MYO18B: variants seen among roughly 807,000 people sequenced by gnomAD.
MYO18B encodes the protein myosin XVIIIB, also known as unconventional myosin-XVIIIb.
Under a neutral mutation model 273.0 loss-of-function variants are expected in MYO18B, and 204 were observed. The observed-to-expected ratio is 0.75, with a 90% CI of 0.67 to 0.84. The LOEUF (loss-of-function observed/expected upper bound fraction) is 0.84, where lower values mean the gene tolerates loss of function less well. Ranked by LOEUF, MYO18B falls within the 40% of genes least tolerant of loss-of-function variation. The probability of loss-of-function intolerance (pLI) is 0.00; values close to 1 mark genes in which losing one functional copy is unlikely to be tolerated. For missense variants in MYO18B, 3,212 were observed against 3,287.6 expected (o/e 0.98, Z 0.56); for synonymous variants, 1,330 against 1,305.7 (o/e 1.02, Z -0.40).
At position 25,914,932 on chromosome 22, in the gene MYO18B, C is replaced by T. The variant is rs189823510; in HGVS notation, c.5364+3882C>T. Among the ~76,000 whole-genome samples, 25 of 151,336 alleles carry T rather than the reference C, an allele frequency of 1.7e-4. No homozygotes were observed. In the East Asian group the frequency reaches 4.7e-3, roughly 28 times the overall value. On this transcript the variant is annotated intron_variant, in intron 33 of 43. Transcript: ENST00000335473. ...CAGGATGGTCTCTGTCTCCTGACCTCGTGATCCACCCACCTCGGCCTCCCA... is the reference window on the plus strand; with the variant it reads ...CAGGATGGTCTCTGTCTCCTGACCTTGTGATCCACCCACCTCGGCCTCCCA...
intron 39 of MYO18B, among the ~76,000 whole-genome samples, chr22:25,977,687 A>C (rs1307925579): frequency 2.0e-5 from 3 of 151,590 alleles, no homozygotes; most frequent in Non-Finnish European, 4.4e-5. Context: ...AACAGAGGAG[A>C]CCCCCCAGGT....
At chr22:26,048,300 T>C in the MYO18B span, among the ~76,000 whole-genome samples, 1 of 152,236 alleles carries the variant, frequency 6.6e-6, no homozygotes, top group Admixed American at 6.5e-5. Context: ...TTGGCAGATA[T>C]ACTGAAGAGT....
chr22:25,763,062 C>T lies in MYO18B; in HGVS notation c.40-169C>T, dbSNP rs1234505110. ...ATTTTCATGCGCTGTCTCAGGGACC[C>T]CCCTGAGTCGTGCTGGGCCTCACCT... On this transcript the variant is annotated intron_variant, in intron 2 of 43. Transcript: ENST00000335473. The T allele has an allele frequency of 3.8e-6, 3 of 797,714 alleles. No individual in the cohort carries two copies. In the Admixed American group the frequency reaches 5.1e-5, roughly 14 times the overall value. 49.4% of individuals were successfully genotyped at this position (797,714 alleles called of 1,614,324 possible).
rs1361474245 is a variant in MYO18B at position 26,027,316 on chromosome 22, A to G, written c.7342A>G (p.Ile2448Val). The G allele has an allele frequency of 1.2e-6, 2 of 1,613,998 alleles. No homozygotes were observed. The highest frequency in any genetic ancestry group is 1.7e-6 in the Non-Finnish European group (2 of 1,179,874). ...GGACTTCGATGACTTCCTCCCAGCT[A>G]TCCGGAAGCCCCAGACACCTACCTC... Reference protein sequence around the residue: ...KVDFDDFLPAIRKPQTPTSLA... With the variant: ...KVDFDDFLPAVRKPQTPTSLA... The change falls in exon 43 of 44, where the codon ATC becomes GTC. Residue 2448 changes from isoleucine to valine, a missense_variant. By Grantham distance (29) the Ile-to-Val change is conservative. Coordinates refer to ENST00000335473, the MANE Select transcript of MYO18B (RefSeq NM_032608.7). The surrounding 1 kb of genome is among the most constrained non-coding windows in gnomAD (Gnocchi z 4.1).
At chr22:25,837,658 C>G (rs1046999392) in intron 17 of MYO18B, among the ~76,000 whole-genome samples, 1 of 152,216 alleles carries the variant, frequency 6.6e-6, no homozygotes, top group African/African-American at 2.4e-5. Context: ...TGGTAGATTC[C>G]TGTGCCCATA....
At chr22:26,041,855 C>G in the MYO18B span, among the ~76,000 whole-genome samples, 1 of 152,156 alleles carries the variant, frequency 6.6e-6, no homozygotes, top group Non-Finnish European at 1.5e-5. Flanking sequence ...TGTGTCACAA[C>G]CTGGCAGATG....
At chr22:26,017,111 C>CCTT (rs1569298242) in intron 42 of MYO18B, among the ~76,000 whole-genome samples, 3 of 137,500 alleles carry the variant, frequency 2.2e-5, no homozygotes, top group African/African-American at 5.6e-5. Flanking sequence ...CTCACTCACT[C>CCTT]CCTTCCTTCC....
At chr22:25,967,935 T>C (rs1409817542) in intron 39 of MYO18B, among the ~76,000 whole-genome samples, 2 of 152,186 alleles carry the variant, frequency 1.3e-5, no homozygotes, top group African/African-American at 4.8e-5. Flanking sequence ...ATTTACACTA[T>C]GGAAACTGGC....
chr22:25,785,394 C>A (rs922094820), intron 10 of MYO18B, 34 bp from the exon 11 acceptor site: 3 of 1,582,556 alleles, frequency 1.9e-6, no homozygotes, highest in Non-Finnish European at 2.6e-6. Flanking sequence ...GTGTGGACAG[C>A]CCCCCTGACT....
At chr22:25,855,784 G>A (rs2090553817) in intron 21 of MYO18B, among the ~76,000 whole-genome samples, 1 of 151,786 alleles carries the variant, frequency 6.6e-6, no homozygotes, top group Non-Finnish European at 1.5e-5. Flanking sequence ...GGGGTTGCTG[G>A]GTTGAATGTA....
At chr22:25,884,593 C>T (rs2091442171) in intron 25 of MYO18B, 2 of 152,220 alleles carry the variant, frequency 1.3e-5, no homozygotes, top group South Asian at 4.1e-4. Flanking sequence ...TGTATTCTTT[C>T]TGACTGTGTG....
Position 26,016,009 on chromosome 22 carries a change from A to G in MYO18B, c.6471-10436A>G, listed in dbSNP as rs532016492. Among the ~76,000 whole-genome samples the G allele has an allele frequency of 2.4e-3, 372 of 152,302 alleles. 3 individuals are homozygous for G. Among genetic ancestry groups the G allele is most frequent in the African/African-American group, 8.6e-3 (357 of 41,558 alleles). ...GCAAGGAAATATTAATGGATGCATA[A>G]TTTCCATTCAGTTAAAGCTGCATCT... On this transcript the variant is annotated intron_variant, in intron 42 of 43. Coordinates refer to ENST00000335473, the MANE Select transcript of MYO18B (RefSeq NM_032608.7).
chr22:25,910,066 T>G (rs999743236), intron 32 of MYO18B, among the ~76,000 whole-genome samples: 2 of 152,060 alleles, frequency 1.3e-5, no homozygotes, highest in Admixed American at 1.3e-4. Context: ...TTTGCTCTAG[T>G]GGGGAATGTC....
chr22:25,957,358 A>G (rs183336915), intron 39 of MYO18B, among the ~76,000 whole-genome samples: 1 of 152,310 alleles, frequency 6.6e-6, no homozygotes, highest in East Asian at 1.9e-4. Context: ...AATACTGAAA[A>G]GATTATAGCA....
intron 13 of MYO18B, 72 bp downstream of exon 13, chr22:25,823,750 C>CT: frequency 6.6e-7 from 1 of 1,505,102 alleles, no homozygotes; most frequent in Non-Finnish European, 9.1e-7. Context: ...CACCAGCATT[C>CT]TTTAACTTTT....
At chr22:26,054,885 G>T in the MYO18B span, among the ~76,000 whole-genome samples, 218 of 152,196 alleles carry the variant, frequency 1.4e-3, no homozygotes, top group African/African-American at 5.0e-3. Flanking sequence ...ATAGGGTGAT[G>T]ATGTGATTTT....
intron 29 of MYO18B, among the ~76,000 whole-genome samples, chr22:25,901,975 G>C (rs1410595449): frequency 6.6e-6 from 1 of 151,820 alleles, no homozygotes; most frequent in East Asian, 1.9e-4. Flanking sequence ...ACGATGCCCA[G>C]GTAATTTTAA....
chr22:26,061,970 T>G, the MYO18B span, among the ~76,000 whole-genome samples: 1 of 152,226 alleles, frequency 6.6e-6, no homozygotes, highest in Non-Finnish European at 1.5e-5. Context: ...AATACAGGAC[T>G]TCTCAGAGCC....
chr22:25,894,147 C>G (rs1423693115), intron 27 of MYO18B, among the ~76,000 whole-genome samples: 2 of 152,222 alleles, frequency 1.3e-5, no homozygotes, highest in Admixed American at 1.3e-4. Context: ...TTTTGGTTCT[C>G]TTCTGGATTT....
Sources: gnomAD v4.1 joint callset for allele counts (sites outside exome capture counted in the v4.1 genomes callset) on GRCh38, gnomAD v4.1.1 for gene constraint, Gnocchi (gnomAD v3.1) non-coding constraint, MANE v1.5 for transcripts, NCBI Gene and HGNC (gene_info 2026-07-23, HGNC 2026-07-21) for gene names.